The following NELL1 variants were observed in gnomAD, a reference collection of about 807,000 sequenced individuals.
NELL1 encodes the protein neural EGFL like 1.
In NELL1, 76 loss-of-function variants were observed where a neutral mutation model predicts 107.4. The ratio of observed to expected loss-of-function variants is 0.71; its 90% confidence interval spans 0.59 to 0.86. The LOEUF is 0.86. NELL1 is among the 40% of genes least tolerant of loss of function. The probability of loss-of-function intolerance (pLI) is 0.00; values close to 1 mark genes in which losing one functional copy is unlikely to be tolerated. For synonymous variants in NELL1, 353 were observed against 341.2 expected (o/e 1.03, Z -0.38); for missense variants, 1,024 against 1,005.5 (o/e 1.02, Z -0.25).
chr11:20,739,175 A>T (rs371791186), intron 2 of NELL1, among the ~76,000 whole-genome samples: 3 of 152,218 alleles, frequency 2.0e-5, no homozygotes, highest in African/African-American at 7.2e-5. Context: ...GCACTGCCTG[A>T]CAAAGAGCAG....
intron 2 of NELL1, among the ~76,000 whole-genome samples, chr11:20,741,478 C>G (rs1335988348): frequency 6.6e-6 from 1 of 152,144 alleles, no homozygotes; most frequent in African/African-American, 2.4e-5. Context: ...CTGAAGCCTA[C>G]AAGCATAATC....
intron 15 of NELL1, among the ~76,000 whole-genome samples, chr11:21,432,231 C>T (rs564253937): frequency 6.6e-6 from 1 of 151,782 alleles, no homozygotes; most frequent in South Asian, 2.1e-4. Context: ...TTTGACTTTT[C>T]AGCTGTTTGG....
At position 21,100,986 on chromosome 11, in the gene NELL1, C is replaced by T. The variant is rs1854792902; in HGVS notation, c.1301-12603C>T. On this transcript the variant is annotated intron_variant, in intron 12 of 19. Transcript: ENST00000357134. ...GTATATCTCCAAATGCTATCCCTCC[C>T]CACTCCCCCAACCCCACAGCAGGCC... is the stretch of plus-strand genomic sequence containing the variant. Among the ~76,000 whole-genome samples, 3 of 142,796 alleles carry T rather than the reference C, an allele frequency of 2.1e-5. No homozygotes were observed. In the South Asian group the frequency reaches 7.4e-4, roughly 35 times the overall value. The allele number at this position is 142,796 out of a possible 152,430, so 93.7% of individuals were successfully genotyped here.
intron 15 of NELL1, among the ~76,000 whole-genome samples, chr11:21,401,365 C>T (rs1220658722): frequency 6.6e-6 from 1 of 151,778 alleles, no homozygotes; most frequent in East Asian, 2.0e-4. Context: ...TTATTTGTTA[C>T]TTTGAGAAAT....
chr11:21,034,651 G>C (rs1853044424), intron 12 of NELL1, among the ~76,000 whole-genome samples: 1 of 152,070 alleles, frequency 6.6e-6, no homozygotes, highest in Admixed American at 6.6e-5. Flanking sequence ...AATAGCTTTT[G>C]GGTAAATAAT....
At position 20,669,872 on chromosome 11, in the gene NELL1, G is replaced by A. The variant is rs1853852566; in HGVS notation, c.55+94G>A. 1.9e-6 allele frequency: 2 copies of A among 1,056,414 alleles called. No individual in the cohort carries two copies. The highest frequency in any genetic ancestry group is 1.6e-5 in the African/African-American group (1 of 63,842). 65.4% of individuals were successfully genotyped at this position (1,056,414 alleles called of 1,614,324 possible). A position where few individuals can be genotyped will look rare whatever the true frequency, so the allele number is the denominator to read the frequency against. ...GAGACCTGGAGCCGAGCTTTGCGCT[G>A]GTCTGGGGAACGGCGGTAGCGTGGA... On this transcript the variant is annotated intron_variant, in intron 1 of 19. Transcript: ENST00000357134. This position sits in a 1 kb window ranked among gnomAD's most constrained non-coding sequence, Gnocchi z 4.4.
chr11:21,381,561 C>A (rs905523776), intron 15 of NELL1, among the ~76,000 whole-genome samples: 7 of 151,856 alleles, frequency 4.6e-5, no homozygotes, highest in Non-Finnish European at 7.4e-5. Flanking sequence ...CTTTAATTAA[C>A]CAGGGGATAA....
intron 12 of NELL1, among the ~76,000 whole-genome samples, chr11:21,050,721 C>G (rs573408863): frequency 6.6e-6 from 1 of 152,076 alleles, no homozygotes; most frequent in Non-Finnish European, 1.5e-5. Flanking sequence ...CCTCAGCCTC[C>G]TAAACTCTCT....
At chr11:21,473,788 C>A (rs757585772) in intron 15 of NELL1, among the ~76,000 whole-genome samples, 15 of 151,998 alleles carry the variant, frequency 9.9e-5, no homozygotes, top group Non-Finnish European at 1.5e-4. Context: ...TAGTATATTG[C>A]AATATTGGAG....
intron 14 of NELL1, among the ~76,000 whole-genome samples, chr11:21,323,604 A>G (rs1460966486): frequency 2.6e-5 from 4 of 152,152 alleles, no homozygotes; most frequent in Non-Finnish European, 5.9e-5. Flanking sequence ...ACATGTCTCC[A>G]AGATGGCTGC....
intron 15 of NELL1, among the ~76,000 whole-genome samples, chr11:21,389,455 A>G (rs796845762): frequency 9.2e-5 from 14 of 151,972 alleles, no homozygotes; most frequent in African/African-American, 3.4e-4. Context: ...TAAATGTCAC[A>G]TTCTGCTCTC....
At chr11:21,223,619 G>A (rs1157011819) in intron 13 of NELL1, among the ~76,000 whole-genome samples, 2 of 151,902 alleles carry the variant, frequency 1.3e-5, no homozygotes, top group African/African-American at 2.4e-5. Flanking sequence ...TTGTTTTCTG[G>A]TTGTTTTTTA....
intron 14 of NELL1, among the ~76,000 whole-genome samples, chr11:21,340,889 C>T (rs2133702638): frequency 6.6e-6 from 1 of 152,126 alleles, no homozygotes; most frequent in Admixed American, 6.5e-5. Context: ...TGTTTAGCAC[C>T]AAATTTGTGG....
intron 12 of NELL1, among the ~76,000 whole-genome samples, chr11:21,104,811 A>G (rs1266993761): frequency 6.6e-6 from 1 of 152,170 alleles, no homozygotes; most frequent in Non-Finnish European, 1.5e-5. Context: ...TGCACAACAA[A>G]TGTTATTTTC....
At chr11:21,068,186 T>A (rs1853927040) in intron 12 of NELL1, among the ~76,000 whole-genome samples, 1 of 152,020 alleles carries the variant, frequency 6.6e-6, no homozygotes, top group Admixed American at 6.6e-5. Context: ...TGTGCCTGGA[T>A]GAATGGAGGT....
intron 12 of NELL1, among the ~76,000 whole-genome samples, chr11:21,086,228 T>C (rs895843409): frequency 6.6e-6 from 1 of 152,160 alleles, no homozygotes; most frequent in Non-Finnish European, 1.5e-5. Context: ...GAAAGGAAAA[T>C]GGCAAATGAT....
At chr11:21,444,444 A>G (rs1380991720) in intron 15 of NELL1, among the ~76,000 whole-genome samples, 1 of 152,132 alleles carries the variant, frequency 6.6e-6, no homozygotes, top group African/African-American at 2.4e-5. Context: ...ATACTTACTG[A>G]TATTCCTACC....
At chr11:21,408,716 G>C (rs1391483911) in intron 15 of NELL1, among the ~76,000 whole-genome samples, 1 of 151,880 alleles carries the variant, frequency 6.6e-6, no homozygotes, top group Non-Finnish European at 1.5e-5. Context: ...CATTGCTTTT[G>C]GTGTTTTAGA....
At chr11:21,376,303 G>A (rs951279667) in intron 15 of NELL1, among the ~76,000 whole-genome samples, 2 of 152,078 alleles carry the variant, frequency 1.3e-5, no homozygotes, top group Non-Finnish European at 2.9e-5. Context: ...ATTGAATAGG[G>A]AGTCTTTTTC....
Sources: gnomAD v4.1 joint callset for allele counts (sites outside exome capture counted in the v4.1 genomes callset) on GRCh38, gnomAD v4.1.1 for gene constraint, Gnocchi (gnomAD v3.1) non-coding constraint, MANE v1.5 for transcripts, NCBI Gene and HGNC (gene_info 2026-07-23, HGNC 2026-07-21) for gene names.